LARP6: variants seen among roughly 807,000 people sequenced by gnomAD.
LARP6 encodes la-related protein 6.
Under a neutral mutation model 32.8 loss-of-function variants are expected in LARP6, and 18 were observed. That is an observed-to-expected ratio of 0.55 (90% CI 0.38 to 0.81). The LOEUF is 0.81. Ranked by LOEUF, LARP6 falls within the 40% of genes least tolerant of loss-of-function variation. The pLI, the probability that LARP6 is intolerant of heterozygous loss-of-function variation, is 0.00. For missense variants in LARP6, 598 were observed against 663.1 expected (o/e 0.90, Z 1.08); for synonymous variants, 289 against 267.2 (o/e 1.08, Z -0.80).
intron 2 of LARP6, among the ~76,000 whole-genome samples, chr15:70,835,657 GAC>G: frequency 6.6e-6 from 1 of 152,318 alleles, no homozygotes; most frequent in East Asian, 1.9e-4. Flanking sequence ...CCCTAAGGGA[GAC>G]ACAGAGTTCT....
Position 70,832,461 on chromosome 15 carries a change from G to A in LARP6, c.1067C>T (p.Ala356Val), listed in dbSNP as rs747328664. The A allele has an allele frequency of 6.4e-6, 10 of 1,552,006 alleles. No homozygotes were observed. The highest frequency in any genetic ancestry group is 4.5e-5 in the East Asian group (2 of 44,496). Residue 356 changes from alanine (A) to valine (V), a missense_variant, in exon 3 of 3, where the codon GCG becomes GTG. This residue lies in a region of LARP6 where 368 missense variants were observed against 397.9 expected (regional missense o/e 0.92). Coordinates refer to ENST00000299213, the MANE Select transcript of LARP6 (RefSeq NM_018357.4). ...AGACGGGCTGAGCTTGTTGGTGGCCGCGTGCCGTCGGCCCGCCATAGGGGA... is the reference window on the plus strand; with the variant it reads ...AGACGGGCTGAGCTTGTTGGTGGCCACGTGCCGTCGGCCCGCCATAGGGGA... Reference protein sequence around the residue: ...PTSPMAGRRHAATNKLSPSGH... With the variant: ...PTSPMAGRRHVATNKLSPSGH...
At position 70,854,135 on chromosome 15, in the gene LARP6, C is replaced by T; in HGVS notation, c.-47G>A. 5.0e-6 allele frequency: 6 copies of T among 1,204,164 alleles called. No individual in the cohort carries two copies. Among genetic ancestry groups the T allele is most frequent in the Non-Finnish European group, 6.2e-6 (6 of 966,420 alleles). 74.6% of individuals were successfully genotyped at this position (1,204,164 alleles called of 1,614,324 possible). ...GCCGGGGTCCTCACGCCGCAAGGCC[C>T]AGCCAGCCGGTCGGCAGCGACTGCG... On this transcript the variant is annotated 5_prime_UTR_variant, in exon 1 of 3. Coordinates refer to ENST00000299213, the MANE Select transcript of LARP6 (RefSeq NM_018357.4).
In LARP6 at chr15:70,832,350, G is replaced by T. The variant is rs1410815763; in HGVS notation, c.1178C>A (p.Ser393Tyr). The T allele has an allele frequency of 6.2e-7, 1 of 1,614,090 alleles. No homozygotes were observed. Among genetic ancestry groups the T allele is most frequent in the Non-Finnish European group, 8.5e-7 (1 of 1,180,030 alleles). The change falls in exon 3 of 3, where the codon TCC becomes TAC. Residue 393 changes from serine (S) to tyrosine (Y), a missense_variant. Ser to Tyr is a moderately radical substitution (Grantham distance 144). This residue lies in a region of LARP6 where 368 missense variants were observed against 397.9 expected (regional missense o/e 0.92). Transcript: ENST00000299213. ...TTCCTCCGCCAGTGGGGACTTTCTGGAAACGCCTTTGCGTTGGGCCAAGGG... is the reference window on the plus strand; with the variant it reads ...TTCCTCCGCCAGTGGGGACTTTCTGTAAACGCCTTTGCGTTGGGCCAAGGG... Reference protein sequence around the residue: ...SSPLAQRKGVSRKSPLAEEGR... With the variant: ...SSPLAQRKGVYRKSPLAEEGR...
At chr15:70,847,981 TC>T (rs2032377529) in intron 1 of LARP6, among the ~76,000 whole-genome samples, 2 of 151,748 alleles carry the variant, frequency 1.3e-5, no homozygotes, top group African/African-American at 4.8e-5. Context: ...AGGGTCCAGG[TC>T]CTGTCTGTGT....
intron 1 of LARP6, among the ~76,000 whole-genome samples, chr15:70,838,411 A>G (rs902802114): frequency 2.0e-4 from 30 of 152,212 alleles, no homozygotes; most frequent in Non-Finnish European, 5.9e-5. Flanking sequence ...TCGCTAATTC[A>G]TAAGAGGCAG....
At position 70,851,444 on chromosome 15, in the gene LARP6, ACTTTT is replaced by A. The variant is rs1347986704; in HGVS notation, c.200+2440_200+2444del. On this transcript the variant is annotated intron_variant, in intron 1 of 2. Coordinates refer to ENST00000299213, the MANE Select transcript of LARP6 (RefSeq NM_018357.4). ...CAATAACATTTTAGAGGCTGTAAAG[ACTTTT>A]CTTTATTGTTCATTTATTCTGTTCC... The A allele has an allele frequency of 4.7e-6, 6 of 1,275,504 alleles. No individual in the cohort carries two copies. In the African/African-American group the frequency reaches 7.4e-5, roughly 16 times the overall value. 79.0% of individuals were successfully genotyped at this position (1,275,504 alleles called of 1,614,324 possible). A position where few individuals can be genotyped will look rare whatever the true frequency, so the allele number is the denominator to read the frequency against.
At chr15:70,842,739 C>T (rs1467414867) in intron 1 of LARP6, among the ~76,000 whole-genome samples, 3 of 152,112 alleles carry the variant, frequency 2.0e-5, no homozygotes, top group African/African-American at 7.2e-5. Flanking sequence ...CAATTATTTG[C>T]ACCCACTGAG....
intron 1 of LARP6, among the ~76,000 whole-genome samples, chr15:70,844,437 T>C (rs1045694960): frequency 1.3e-5 from 2 of 152,210 alleles, no homozygotes; most frequent in Admixed American, 1.3e-4. Flanking sequence ...CATTTTGCCA[T>C]GGTTCATAAT....
chr15:70,851,826 G>A, intron 1 of LARP6: 1 of 1,562,810 alleles, frequency 6.4e-7, no homozygotes, highest in Non-Finnish European at 8.7e-7. Flanking sequence ...GCCAGCTCTG[G>A]GGTGGGGATT....
At position 70,831,855 on chromosome 15, in the gene LARP6, G is replaced by A; in HGVS notation, c.*197C>T. ...ATAGTGGCCATGCTGGGAAGAACAG[G>A]AGTCCTGAACTAGAAGGTGGTCTTC... On this transcript the variant is annotated 3_prime_UTR_variant, in exon 3 of 3. Coordinates refer to ENST00000299213, the MANE Select transcript of LARP6 (RefSeq NM_018357.4). 1 of 407,924 alleles carries A rather than the reference G, an allele frequency of 2.5e-6. No homozygotes were observed. Among genetic ancestry groups the A allele is most frequent in the Non-Finnish European group, 4.3e-6 (1 of 231,546 alleles). 25.3% of individuals were successfully genotyped at this position (407,924 alleles called of 1,614,324 possible).
At chr15:70,837,831 A>T (rs1477192655) in intron 1 of LARP6, among the ~76,000 whole-genome samples, 1 of 152,192 alleles carries the variant, frequency 6.6e-6, no homozygotes, top group Non-Finnish European at 1.5e-5. Context: ...CCTGGGTCCA[A>T]ATGCTTGGTT....
In LARP6 at chr15:70,832,423, G is replaced by T; in HGVS notation, c.1105C>A (p.Leu369Ile). ...GGGGAGGCATTTGGACTCAGAAAGA[G>T]ATTCTGGTGGCCAGACGGGCTGAGC... Reference protein sequence around the residue: ...NKLSPSGHQNLFLSPNASPCT... With the variant: ...NKLSPSGHQNIFLSPNASPCT... The change falls in exon 3 of 3, where the codon CTC (leucine) becomes ATC (isoleucine). Residue 369 changes from leucine (L) to isoleucine (I), a missense_variant. This residue lies in a region of LARP6 where 368 missense variants were observed against 397.9 expected (regional missense o/e 0.92). Transcript: ENST00000299213. 1 of 1,587,812 alleles carries T rather than the reference G, an allele frequency of 6.3e-7. No homozygotes were observed. The highest frequency in any genetic ancestry group is 8.6e-7 in the Non-Finnish European group (1 of 1,167,676).
chr15:70,842,245 G>A (rs1325532052), intron 1 of LARP6, among the ~76,000 whole-genome samples: 1 of 151,616 alleles, frequency 6.6e-6, no homozygotes, highest in East Asian at 1.9e-4. Context: ...ATGGGGTTTT[G>A]CCTTGTTGCT....
In LARP6 at chr15:70,832,011, A is replaced by G; in HGVS notation, c.*41T>C. The G allele has an allele frequency of 7.4e-7, 1 of 1,350,372 alleles. No homozygotes were observed. Among genetic ancestry groups the G allele is most frequent in the Non-Finnish European group, 9.9e-7 (1 of 1,006,308 alleles). 83.6% of individuals were successfully genotyped at this position (1,350,372 alleles called of 1,614,324 possible). A position where few individuals can be genotyped will look rare whatever the true frequency, so the allele number is the denominator to read the frequency against. On this transcript the variant is annotated 3_prime_UTR_variant, in exon 3 of 3. Coordinates refer to ENST00000299213, the MANE Select transcript of LARP6 (RefSeq NM_018357.4). The stretch of plus-strand genomic sequence containing the variant: ...GTGTTTGTCAGAACCTTGAAAACGA[A>G]GGTGGTTTTCAGTGGAGCTTGTATT...
At chr15:70,852,375 T>C (rs1165746779) in intron 1 of LARP6, 7 of 429,496 alleles carry the variant, frequency 1.6e-5, no homozygotes, top group Non-Finnish European at 2.8e-5. Context: ...GGCCTACCCA[T>C]ACTGAGGCTT....
chr15:70,843,936 G>A (rs1211635264), intron 1 of LARP6, among the ~76,000 whole-genome samples: 15 of 147,630 alleles, frequency 1.0e-4, no homozygotes, highest in Middle Eastern at 3.8e-3. Context: ...GATTACAGGC[G>A]TGAGCAACCG....
intron 1 of LARP6, among the ~76,000 whole-genome samples, chr15:70,844,362 TC>T (rs2032311587): frequency 6.6e-6 from 1 of 152,066 alleles, no homozygotes; most frequent in African/African-American, 2.4e-5. Context: ...CACACTATTG[TC>T]CTACTCTCTC....
chr15:70,830,010 AG>A lies in LARP6; in HGVS notation c.*2041del. 1 of 153,012 alleles carries A rather than the reference AG, an allele frequency of 6.5e-6. No individual in the cohort carries two copies. Among genetic ancestry groups the A allele is most frequent in the Non-Finnish European group, 1.5e-5 (1 of 68,442 alleles). 9.5% of individuals were successfully genotyped at this position (153,012 alleles called of 1,614,324 possible). A position where few individuals can be genotyped will look rare whatever the true frequency, so the allele number is the denominator to read the frequency against. On this transcript the variant is annotated 3_prime_UTR_variant, in exon 3 of 3. Transcript: ENST00000299213. ...GAGTGGCTGCAGGGAAGGAGCAGGCAGGGGGTGATGGGAGCAGAGTCAGGGA... is the reference window on the plus strand; with the variant it reads ...GAGTGGCTGCAGGGAAGGAGCAGGCAGGGGTGATGGGAGCAGAGTCAGGGA...
chr15:70,832,633 T>G lies in LARP6; in HGVS notation c.895A>C (p.Lys299Gln). The change falls in exon 3 of 3, where the codon AAA becomes CAA. Residue 299 changes from lysine to glutamine, a missense_variant. Transcript: ENST00000299213. ...VLIGMKPPKK[K>Q]PAKDKNHDEE... ...TCATGATTTTTGTCTTTGGCAGGTTTCTTTTTGGGTGGCTTCATACCAATC... is the reference window on the plus strand; with the variant it reads ...TCATGATTTTTGTCTTTGGCAGGTTGCTTTTTGGGTGGCTTCATACCAATC... 1 of 1,609,452 alleles carries G rather than the reference T, an allele frequency of 6.2e-7. No individual in the cohort carries two copies.
Sources: gnomAD v4.1 joint callset for allele counts (sites outside exome capture counted in the v4.1 genomes callset) on GRCh38, gnomAD v4.1.1 for gene constraint, gnomAD v4.1.1 regional missense constraint, MANE v1.5 for transcripts, NCBI Gene and HGNC (gene_info 2026-07-23, HGNC 2026-07-21) for gene names.